WWOX: variants seen among roughly 807,000 people sequenced by gnomAD.
WWOX encodes the protein WW domain containing oxidoreductase, also known as WW domain-containing oxidoreductase.
A neutral mutation model predicts 46.2 loss-of-function variants in WWOX; 69 were observed. The observed-to-expected ratio is 1.49, with a 90% CI of 1.23 to 1.82. WWOX has a LOEUF of 1.82. WWOX is among the 40% of genes most tolerant of loss of function. WWOX has a pLI of 0.00. For synonymous variants in WWOX, 359 were observed against 202.6 expected (o/e 1.77, Z -6.56); for missense variants, 919 against 542.6 (o/e 1.69, Z -6.89).
intron 8 of WWOX, among the ~76,000 whole-genome samples, chr16:79,068,285 T>A (rs2048479229): frequency 6.6e-6 from 1 of 152,158 alleles, no homozygotes; most frequent in South Asian, 2.1e-4. Context: ...CATAACTAGC[T>A]CATGTAAAGC....
chr16:78,741,146 G>A (rs1403386974), intron 8 of WWOX, among the ~76,000 whole-genome samples: 2 of 152,204 alleles, frequency 1.3e-5, no homozygotes, highest in Admixed American at 6.5e-5. Flanking sequence ...TCACACTGCA[G>A]TAGGAGAGTG....
chr16:78,576,531 T>C (rs2044884623), intron 8 of WWOX, among the ~76,000 whole-genome samples: 1 of 152,222 alleles, frequency 6.6e-6, no homozygotes, highest in African/African-American at 2.4e-5. Context: ...ATGAAAGCAG[T>C]GACCACATAA....
chr16:78,181,036 CCTT>C (rs767467693), intron 5 of WWOX, among the ~76,000 whole-genome samples: 13 of 152,156 alleles, frequency 8.5e-5, no homozygotes, highest in African/African-American at 1.2e-4. Flanking sequence ...CTTCTAATAT[CCTT>C]CTTCCTTTTT....
At chr16:78,434,268 T>A (rs1470448460) in intron 8 of WWOX, among the ~76,000 whole-genome samples, 1 of 152,174 alleles carries the variant, frequency 6.6e-6, no homozygotes, top group African/African-American at 2.4e-5. Flanking sequence ...AGAATGGTGT[T>A]CCATGCCGCA....
chr16:78,673,251 G>C (rs752225582), intron 8 of WWOX, among the ~76,000 whole-genome samples: 1 of 152,204 alleles, frequency 6.6e-6, no homozygotes, highest in Non-Finnish European at 1.5e-5. Flanking sequence ...TCTTGGAAGT[G>C]AAAGGCACTG....
intron 8 of WWOX, among the ~76,000 whole-genome samples, chr16:78,621,913 T>C (rs2046199220): frequency 6.6e-6 from 1 of 152,110 alleles, no homozygotes; most frequent in African/African-American, 2.4e-5. Flanking sequence ...CCTTCTTGTT[T>C]TAATCTTTTA....
chr16:78,485,770 C>T (rs1180468231), intron 8 of WWOX, among the ~76,000 whole-genome samples: 1 of 152,232 alleles, frequency 6.6e-6, no homozygotes, highest in Non-Finnish European at 1.5e-5. Flanking sequence ...AAGGATCCCT[C>T]TCCCCAGCAT....
chr16:79,102,900 C>A (rs79687669), intron 8 of WWOX, among the ~76,000 whole-genome samples: 3,681 of 152,240 alleles, frequency 0.024, 165 homozygotes, highest in African/African-American at 0.084. Flanking sequence ...GCACATGCAA[C>A]CCTGGCTGGT....
At chr16:78,627,161 G>A (rs934163684) in intron 8 of WWOX, among the ~76,000 whole-genome samples, 1 of 152,002 alleles carries the variant, frequency 6.6e-6, no homozygotes, top group Non-Finnish European at 1.5e-5. Flanking sequence ...GTGTGGGTGA[G>A]TTCTCCCACT....
chr16:79,031,909 T>C (rs59081336), intron 8 of WWOX, among the ~76,000 whole-genome samples: 30,331 of 68,834 alleles, frequency 0.44, 4,187 homozygotes, highest in East Asian at 0.53. Context: ...TCTATATATA[T>C]AGATATCTAT....
At chr16:78,816,219 G>T (rs1385722983) in intron 8 of WWOX, among the ~76,000 whole-genome samples, 1 of 152,156 alleles carries the variant, frequency 6.6e-6, no homozygotes, top group Non-Finnish European at 1.5e-5. Context: ...AATTTGGGAC[G>T]CTGGATAGGA....
chr16:78,567,745 C>T lies in WWOX; in HGVS notation c.1056+134993C>T, dbSNP rs901425473. ...ATCCACCCTGCCTCTGTGGCTGAGT[C>T]GGGGAGAAAAGGACAAAGTTTTTCT... On this transcript the variant is annotated intron_variant, in intron 8 of 8. Transcript: ENST00000566780. 1.1e-4 allele frequency among the ~76,000 whole-genome samples: 17 copies of T among 152,032 alleles called. No individual in the cohort carries two copies. In the Middle Eastern group the frequency reaches 0.01, roughly 91 times the overall value.
chr16:78,860,859 T>A (rs12149493), intron 8 of WWOX, among the ~76,000 whole-genome samples: 21,291 of 152,152 alleles, frequency 0.14, 1,906 homozygotes, highest in Non-Finnish European at 0.2. Flanking sequence ...GTTTTTGAGA[T>A]AGGGTCTCAC....
At chr16:78,590,656 T>A (rs1390989477) in intron 8 of WWOX, among the ~76,000 whole-genome samples, 1 of 152,166 alleles carries the variant, frequency 6.6e-6, no homozygotes, top group Non-Finnish European at 1.5e-5. Context: ...AGTAAAACAG[T>A]TTAGAAATTT....
chr16:79,200,573 A>T (rs1442452209), intron 8 of WWOX, among the ~76,000 whole-genome samples: 1 of 152,184 alleles, frequency 6.6e-6, no homozygotes, highest in East Asian at 1.9e-4. Context: ...ATCAGAAGTA[A>T]TAACAGGTCG....
chr16:78,707,439 G>C lies in WWOX; in HGVS notation c.1056+274687G>C, dbSNP rs539269589. On this transcript the variant is annotated intron_variant, in intron 8 of 8. Transcript: ENST00000566780. ...TTATGCACAAGCATCAGAGGTTCTG[G>C]ACATCTTCTTGGGCTAGTTGGTATA... Among the ~76,000 whole-genome samples the C allele has an allele frequency of 1.1e-3, 166 of 152,306 alleles. 5 individuals are homozygous for C. Among genetic ancestry groups the C allele is most frequent in the Non-Finnish European group, 4.1e-4 (28 of 68,020 alleles).
chr16:78,921,792 C>G (rs910256064), intron 8 of WWOX, among the ~76,000 whole-genome samples: 1 of 152,206 alleles, frequency 6.6e-6, no homozygotes, highest in East Asian at 1.9e-4. Flanking sequence ...CAAGATTGTC[C>G]TTACTCTGAC....
intron 8 of WWOX, among the ~76,000 whole-genome samples, chr16:79,189,890 C>T (rs1242757400): frequency 1.5e-5 from 2 of 135,360 alleles, no homozygotes; most frequent in Admixed American, 1.7e-4. Context: ...CCAGTGGTTT[C>T]ATATTCTACC....
chr16:78,728,152 C>G (rs1294045282), intron 8 of WWOX, among the ~76,000 whole-genome samples: 1 of 141,560 alleles, frequency 7.1e-6, no homozygotes, highest in Non-Finnish European at 1.5e-5. Flanking sequence ...GCAGCCTTAA[C>G]CTCCTGGGTT....
Sources: gnomAD v4.1 joint callset for allele counts (sites outside exome capture counted in the v4.1 genomes callset) on GRCh38, gnomAD v4.1.1 for gene constraint, MANE v1.5 for transcripts, NCBI Gene and HGNC (gene_info 2026-07-23, HGNC 2026-07-21) for gene names.